The following PCDH15 variants were observed in gnomAD, a reference collection of about 807,000 sequenced individuals.
PCDH15 encodes the protein protocadherin-15.
PCDH15 carries 129 observed loss-of-function variants against 178.5 expected under a neutral mutation model. The ratio of observed to expected loss-of-function variants is 0.72; its 90% confidence interval spans 0.63 to 0.84. PCDH15 has a LOEUF of 0.84. Ranked by LOEUF, PCDH15 falls within the 40% of genes least tolerant of loss-of-function variation. The pLI, the probability that PCDH15 is intolerant of heterozygous loss-of-function variation, is 0.00. For missense variants in PCDH15, 2,230 were observed against 2,099.9 expected, an observed-to-expected ratio of 1.06 and a Z score of -1.21; for synonymous variants, 800 against 732.0, an observed-to-expected ratio of 1.09 and a Z score of -1.50.
chr10:54,607,880 G>A (rs1565729515), intron 2 of PCDH15: 1 of 528,784 alleles, frequency 1.9e-6, no homozygotes, highest in Non-Finnish European at 3.9e-6. Flanking sequence ...CAGGCTATTA[G>A]GTTGGTCCAA....
intron 17 of PCDH15, among the ~76,000 whole-genome samples, chr10:54,076,049 A>G (rs1030890403): frequency 6.6e-6 from 1 of 152,162 alleles, no homozygotes; most frequent in Non-Finnish European, 1.5e-5. Flanking sequence ...TGCTTGGGAG[A>G]GTATTAACAT....
At chr10:54,564,593 G>A (rs995236407) in intron 2 of PCDH15, among the ~76,000 whole-genome samples, 2 of 152,056 alleles carry the variant, frequency 1.3e-5, no homozygotes, top group African/African-American at 2.4e-5. Context: ...TATAAATGAT[G>A]TGACTCCTGG....
chr10:53,951,435 GC>G (rs1484463069), intron 23 of PCDH15, among the ~76,000 whole-genome samples: 1 of 150,574 alleles, frequency 6.6e-6, no homozygotes, highest in Non-Finnish European at 1.5e-5. Context: ...TCTTTGTTTA[GC>G]TCTTTGTTCA....
At chr10:55,027,232 T>G (rs911036777) in intron 2 of PCDH15, among the ~76,000 whole-genome samples, 18 of 151,876 alleles carry the variant, frequency 1.2e-4, no homozygotes, top group African/African-American at 4.1e-4. Flanking sequence ...GAGGGTGACA[T>G]GCTTTACAGT....
chr10:54,550,218 C>T lies in PCDH15; in HGVS notation c.92-22341G>A, dbSNP rs375052790. ...TTTGTTTTGTTTTGTTTTTGTTATCCGTGTTTTTAGGGAGTAGTTTTCTGA... is the reference window on the plus strand; with the variant it reads ...TTTGTTTTGTTTTGTTTTTGTTATCTGTGTTTTTAGGGAGTAGTTTTCTGA... On this transcript the variant is annotated intron_variant, in intron 2 of 37. Transcript: ENST00000644397. Among the ~76,000 whole-genome samples, 11 of 151,934 alleles carry T rather than the reference C, an allele frequency of 7.2e-5. No homozygotes were observed. The East Asian group carries it at 9.7e-4, about 13-fold the overall frequency.
intron 3 of PCDH15, among the ~76,000 whole-genome samples, chr10:54,863,328 G>A (rs555847593): frequency 6.6e-6 from 1 of 152,236 alleles, no homozygotes; most frequent in African/African-American, 2.4e-5. Context: ...AGATCACAAG[G>A]TCAGGAGATC....
chr10:55,188,982 ATTAT>A (rs1440867253), intron 1 of PCDH15, among the ~76,000 whole-genome samples: 1 of 151,944 alleles, frequency 6.6e-6, no homozygotes, highest in Non-Finnish European at 1.5e-5. Flanking sequence ...GAGAAAAATA[ATTAT>A]TCATATCAGA....
intron 1 of PCDH15, among the ~76,000 whole-genome samples, chr10:54,774,549 C>G (rs1591561926): frequency 6.6e-6 from 1 of 152,124 alleles, no homozygotes; most frequent in East Asian, 1.9e-4. Context: ...ACATACACAT[C>G]CAAACACAGG....
chr10:54,408,583 A>C (rs182933371), intron 3 of PCDH15, among the ~76,000 whole-genome samples: 15 of 152,306 alleles, frequency 9.8e-5, no homozygotes, highest in South Asian at 2.1e-4. Context: ...GATGCTGTGG[A>C]TCAGCTTACA....
At chr10:55,273,455 T>C (rs1333685536) in intron 1 of PCDH15, among the ~76,000 whole-genome samples, 1 of 152,120 alleles carries the variant, frequency 6.6e-6, no homozygotes, top group African/African-American at 2.4e-5. Flanking sequence ...TTATCTCCTA[T>C]ACAAAGTTTA....
chr10:55,261,742 G>A (rs937428008), intron 1 of PCDH15, among the ~76,000 whole-genome samples: 20 of 152,120 alleles, frequency 1.3e-4, no homozygotes, highest in Admixed American at 1.3e-4. Context: ...GAACAAATCT[G>A]AGATGGGTAA....
chr10:53,832,194 G>A (rs993016508), intron 29 of PCDH15, among the ~76,000 whole-genome samples: 13 of 151,990 alleles, frequency 8.6e-5, no homozygotes, highest in Admixed American at 5.9e-4. Context: ...TATCAGTGTT[G>A]TAAGAATGAC....
chr10:54,422,368 G>A (rs1056535152), intron 3 of PCDH15, among the ~76,000 whole-genome samples: 2 of 152,102 alleles, frequency 1.3e-5, no homozygotes, highest in Admixed American at 1.3e-4. Flanking sequence ...AGGATAAATT[G>A]AGTGAATGTA....
intron 21 of PCDH15, among the ~76,000 whole-genome samples, chr10:53,992,720 C>A (rs2091607279): frequency 6.6e-6 from 1 of 152,136 alleles, no homozygotes; most frequent in Admixed American, 6.5e-5. Context: ...AACGGTTAGC[C>A]ATTTTTAATT....
At chr10:54,091,125 A>G (rs1033236505) in intron 15 of PCDH15, among the ~76,000 whole-genome samples, 1 of 152,192 alleles carries the variant, frequency 6.6e-6, no homozygotes, top group African/African-American at 2.4e-5. Flanking sequence ...AAAAACATCA[A>G]ATCAGTTCTT....
intron 3 of PCDH15, among the ~76,000 whole-genome samples, chr10:54,832,245 T>C (rs1953237273): frequency 6.6e-6 from 1 of 152,124 alleles, no homozygotes; most frequent in Non-Finnish European, 1.5e-5. Flanking sequence ...GCAATAATAT[T>C]CCGATACTGC....
chr10:54,956,187 C>T (rs1471340003), intron 2 of PCDH15, among the ~76,000 whole-genome samples: 1 of 151,276 alleles, frequency 6.6e-6, no homozygotes, highest in African/African-American at 2.4e-5. Context: ...TTCTCTACTA[C>T]AGGTGACTAG....
intron 2 of PCDH15, among the ~76,000 whole-genome samples, chr10:54,644,588 T>C (rs1434572636): frequency 2.0e-5 from 3 of 152,110 alleles, no homozygotes; most frequent in African/African-American, 7.2e-5. Flanking sequence ...TTACTTGTCT[T>C]AGCAATTCCA....
intron 2 of PCDH15, among the ~76,000 whole-genome samples, chr10:55,115,653 T>C (rs934582432): frequency 1.1e-4 from 17 of 152,160 alleles, no homozygotes; most frequent in African/African-American, 4.1e-4. Context: ...AAAGCCTTCC[T>C]GACAACCTGC....
Sources: gnomAD v4.1 joint callset for allele counts (sites outside exome capture counted in the v4.1 genomes callset) on GRCh38, gnomAD v4.1.1 for gene constraint, MANE v1.5 for transcripts, NCBI Gene and HGNC (gene_info 2026-07-23, HGNC 2026-07-21) for gene names.